RBX1: variants seen among roughly 807,000 people sequenced by gnomAD.
RBX1 encodes the protein E3 ubiquitin-protein ligase RBX1.
For synonymous variants in RBX1, 48 were observed against 47.9 expected (o/e 1.00, Z -0.01); for missense variants, 46 against 141.4 (o/e 0.33, Z 3.42).
At chr22:40,957,074 G>A (rs887496946) in intron 2 of RBX1, among the ~76,000 whole-genome samples, 1 of 151,620 alleles carries the variant, frequency 6.6e-6, no homozygotes, top group African/African-American at 2.4e-5. Flanking sequence ...TAGGCGGGGC[G>A]CGGTGGCTCA....
At chr22:40,961,571 G>A (rs557859287) in intron 2 of RBX1, among the ~76,000 whole-genome samples, 14 of 151,576 alleles carry the variant, frequency 9.2e-5, no homozygotes, top group African/African-American at 2.9e-4. Flanking sequence ...CCGCCACCAC[G>A]CCTGGCTAAT....
At chr22:40,969,491 T>C (rs1006671692) in intron 4 of RBX1, among the ~76,000 whole-genome samples, 45 of 152,196 alleles carry the variant, frequency 3.0e-4, no homozygotes, top group African/African-American at 1.0e-3. Flanking sequence ...GGCTCACACC[T>C]GTGATCCCAA....
At position 40,953,599 on chromosome 22, in the gene RBX1, C is replaced by T; in HGVS notation, c.123C>T (p.Asn41=). Residue 41 remains asparagine (N), a synonymous_variant, in exon 2 of 5, where the codon AAC becomes AAT. Coordinates refer to ENST00000216225, the MANE Select transcript of RBX1 (RefSeq NM_014248.4). ...GGGCCTGGGATATTGTGGTTGATAA[C>T]TGTGCCATCTGCAGGAACCACATTA... The part of the protein sequence containing the change: ...ALWAWDIVVD[N]CAICRNHIMD... The T allele has an allele frequency of 6.2e-7, 1 of 1,610,898 alleles. No homozygotes were observed. The highest frequency in any genetic ancestry group is 8.5e-7 in the Non-Finnish European group (1 of 1,177,554).
chr22:40,955,166 A>T (rs1315722452), intron 2 of RBX1, among the ~76,000 whole-genome samples: 1 of 151,060 alleles, frequency 6.6e-6, no homozygotes, highest in Non-Finnish European at 1.5e-5. Context: ...AATATTCTTC[A>T]CCTCTTCTCT....
chr22:40,955,234 G>T (rs73174614), intron 2 of RBX1, among the ~76,000 whole-genome samples: 1 of 150,112 alleles, frequency 6.7e-6, no homozygotes, highest in Admixed American at 6.7e-5. Context: ...GTACAAACAC[G>T]TATATAATTT....
At chr22:40,956,673 T>C (rs2058326366) in intron 2 of RBX1, among the ~76,000 whole-genome samples, 1 of 151,818 alleles carries the variant, frequency 6.6e-6, no homozygotes. Context: ...CCACCCCCCT[T>C]GGCCTCCCAA....
At chr22:40,953,480 T>C in intron 1 of RBX1, 75 bp from the exon 2 acceptor site, 2 of 979,070 alleles carry the variant, frequency 2.0e-6, no homozygotes, top group Non-Finnish European at 3.3e-6. Flanking sequence ...TAACTGCAGC[T>C]GCAGCCTGAG....
intron 2 of RBX1, among the ~76,000 whole-genome samples, chr22:40,956,512 G>A (rs1211928110): frequency 6.6e-6 from 1 of 151,140 alleles, no homozygotes; most frequent in Non-Finnish European, 1.5e-5. Context: ...ACCTCACCCG[G>A]CTCATTTTTT....
intron 4 of RBX1, among the ~76,000 whole-genome samples, chr22:40,968,121 C>T (rs1022536428): frequency 7.7e-5 from 10 of 129,774 alleles, no homozygotes; most frequent in Non-Finnish European, 1.4e-4. Context: ...GACGGAGTCT[C>T]GCTTTGTTGC....
chr22:40,970,350 C>CAAA (rs1000627504), intron 4 of RBX1, among the ~76,000 whole-genome samples: 1 of 101,576 alleles, frequency 9.8e-6, no homozygotes, highest in African/African-American at 3.7e-5. Context: ...AACTTCGTCT[C>CAAA]AAAAAAAAAA....
intron 2 of RBX1, among the ~76,000 whole-genome samples, chr22:40,956,259 G>A (rs1159007121): frequency 1.3e-5 from 2 of 151,920 alleles, no homozygotes; most frequent in Non-Finnish European, 2.9e-5. Flanking sequence ...AGATGAAGTA[G>A]GATATTGAAA....
At chr22:40,953,665 G>C in intron 2 of RBX1, 32 bp downstream of exon 2, 2 of 1,470,248 alleles carry the variant, frequency 1.4e-6, no homozygotes, top group South Asian at 1.1e-5. Context: ...GGAGGAAGTT[G>C]AGAAGGTTGC....
At chr22:40,959,658 A>C (rs1319364931) in intron 2 of RBX1, among the ~76,000 whole-genome samples, 1 of 152,146 alleles carries the variant, frequency 6.6e-6, no homozygotes, top group Admixed American at 6.5e-5. Context: ...TAAAAATACA[A>C]AAAATAGCCA....
chr22:40,960,826 C>G (rs2058337793), intron 2 of RBX1, among the ~76,000 whole-genome samples: 1 of 151,704 alleles, frequency 6.6e-6, no homozygotes, highest in African/African-American at 2.4e-5. Context: ...TGGCGCGATC[C>G]CAGCTCACTG....
At chr22:40,962,886 C>T (rs570223996) in intron 2 of RBX1, among the ~76,000 whole-genome samples, 6 of 139,534 alleles carry the variant, frequency 4.3e-5, no homozygotes, top group Non-Finnish European at 6.1e-5. Flanking sequence ...TTAGTAGAGA[C>T]GGTGTTTCAC....
At chr22:40,951,646 G>A (rs1391066859) in intron 1 of RBX1, among the ~76,000 whole-genome samples, 170 bp downstream of exon 1, 1 of 152,166 alleles carries the variant, frequency 6.6e-6, no homozygotes, top group African/African-American at 2.4e-5. Context: ...TCGGCGTGAC[G>A]GCGGCCCACT....
intron 4 of RBX1, among the ~76,000 whole-genome samples, chr22:40,972,242 CAG>C (rs751714194): frequency 1.3e-5 from 2 of 152,090 alleles, no homozygotes; most frequent in African/African-American, 4.8e-5. Context: ...ATGGTTGAGT[CAG>C]AGGGAGAGCC....
intron 2 of RBX1, among the ~76,000 whole-genome samples, chr22:40,954,009 T>C (rs2058318414): frequency 6.6e-6 from 1 of 152,154 alleles, no homozygotes; most frequent in African/African-American, 2.4e-5. Flanking sequence ...CAGTGGCTCA[T>C]GCTTGTAATC....
intron 2 of RBX1, among the ~76,000 whole-genome samples, chr22:40,955,276 G>GT (rs2058322300): frequency 1.3e-5 from 1 of 79,358 alleles, no homozygotes; most frequent in African/African-American, 4.7e-5. Flanking sequence ...TTTTTTTTTT[G>GT]TTTTTTTCAG....
Sources: allele counts gnomAD v4.1 joint callset (sites outside exome capture counted in the v4.1 genomes callset), GRCh38; gene constraint gnomAD v4.1.1; transcripts MANE v1.5; gene names NCBI Gene and HGNC (gene_info 2026-07-23, HGNC 2026-07-21).